Variants in RBFOX1 observed in about 807,000 individuals in gnomAD.
The protein encoded by RBFOX1 is RNA binding protein fox-1 homolog 1.
RBFOX1 carries 8 observed loss-of-function variants against 57.7 expected under a neutral mutation model. The ratio of observed to expected loss-of-function variants is 0.14; its 90% confidence interval spans 0.08 to 0.25. The LOEUF (loss-of-function observed/expected upper bound fraction) is 0.25, where lower values mean the gene tolerates loss of function less well. Ranked by LOEUF, RBFOX1 falls within the 10% of genes least tolerant of loss-of-function variation. The pLI is 1.00. For missense variants in RBFOX1, 611 were observed against 548.5 expected (o/e 1.11, Z -1.14); for synonymous variants, 326 against 222.4 (o/e 1.47, Z -4.15).
rs367643777 is a variant in RBFOX1, at chr16:6,150,618, CT to C, written c.-127+130627del. ...TCCCCCTTTATTTTCTCTGCATATTCTGTTTATTTCACCCACAGCATGACAC... is the reference window on the plus strand; with the variant it reads ...TCCCCCTTTATTTTCTCTGCATATTCGTTTATTTCACCCACAGCATGACAC... On this transcript the variant is annotated intron_variant, in intron 1 of 15. Coordinates refer to ENST00000550418, the MANE Select transcript of RBFOX1 (RefSeq NM_018723.4). Among the ~76,000 whole-genome samples, 71 of 152,250 alleles carry C rather than the reference CT, an allele frequency of 4.7e-4. No individual in the cohort carries two copies. In the East Asian group the frequency reaches 0.011, roughly 24 times the overall value.
chr16:6,094,925 T>C (rs1031874060), intron 1 of RBFOX1, among the ~76,000 whole-genome samples: 1 of 152,138 alleles, frequency 6.6e-6, no homozygotes, highest in Non-Finnish European at 1.5e-5. Flanking sequence ...TAAGGGATGG[T>C]GGTGCATGCC....
chr16:6,774,654 A>T (rs568984901), intron 3 of RBFOX1, among the ~76,000 whole-genome samples: 1 of 152,308 alleles, frequency 6.6e-6, no homozygotes, highest in African/African-American at 2.4e-5. Flanking sequence ...TGTCAGGAAT[A>T]TATAGAGTAT....
chr16:5,489,347 A>G lies in RBFOX1; in HGVS notation c.258+22093A>G, dbSNP rs142495877. ...ATAAAGGGCAAAGAATTAGGCACAAACATCCTTAATGTCCAGGGCTCACCT... is the reference window on the plus strand; with the variant it reads ...ATAAAGGGCAAAGAATTAGGCACAAGCATCCTTAATGTCCAGGGCTCACCT... On this transcript the variant is annotated intron_variant, in intron 2 of 2. Coordinates refer to the RBFOX1 transcript ENST00000585867. Among the ~76,000 whole-genome samples, 600 of 152,318 alleles carry G rather than the reference A, an allele frequency of 3.9e-3. 2 individuals carry two copies. Among genetic ancestry groups the G allele is most frequent in the African/African-American group, 0.014 (566 of 41,568 alleles).
At chr16:6,604,339 T>G (rs1209792382) in intron 2 of RBFOX1, among the ~76,000 whole-genome samples, 3 of 152,178 alleles carry the variant, frequency 2.0e-5, no homozygotes, top group Admixed American at 6.5e-5. Flanking sequence ...ATTTTCTTAT[T>G]TTTTTAATTT....
intron 3 of RBFOX1, among the ~76,000 whole-genome samples, chr16:6,917,005 A>G (rs1054061812): frequency 1.3e-5 from 2 of 152,004 alleles, no homozygotes; most frequent in African/African-American, 4.8e-5. Flanking sequence ...GCATGCCATC[A>G]CATCAGGCTA....
At chr16:7,223,368 G>A (rs904317462) in intron 4 of RBFOX1, among the ~76,000 whole-genome samples, 3 of 152,360 alleles carry the variant, frequency 2.0e-5, no homozygotes, top group African/African-American at 7.2e-5. Flanking sequence ...GGGCTTCAGA[G>A]TTTGGTAAGT....
At chr16:6,483,872 A>G in intron 2 of RBFOX1, 1 of 1,188,750 alleles carries the variant, frequency 8.4e-7, no homozygotes, top group Non-Finnish European at 1.1e-6. Context: ...CAAACCGGAG[A>G]TGGAAGGATG....
chr16:6,880,626 G>A (rs1797747376), intron 3 of RBFOX1, among the ~76,000 whole-genome samples: 1 of 152,070 alleles, frequency 6.6e-6, no homozygotes, highest in South Asian at 2.1e-4. Flanking sequence ...GAGGCAGGGT[G>A]GGGAAAAAAT....
intron 1 of RBFOX1, among the ~76,000 whole-genome samples, chr16:6,179,978 A>G (rs931613996): frequency 3.3e-5 from 5 of 152,140 alleles, no homozygotes; most frequent in African/African-American, 1.2e-4. Flanking sequence ...ATCTGTTGAG[A>G]TGATCATATG....
chr16:5,856,952 T>G (rs564834547), intron 3 of RBFOX1, among the ~76,000 whole-genome samples: 1 of 152,270 alleles, frequency 6.6e-6, no homozygotes, highest in East Asian at 1.9e-4. Flanking sequence ...GTAACTTTTC[T>G]TTTGCATACA....
At chr16:7,578,272 C>G (rs2093485873) in intron 5 of RBFOX1, among the ~76,000 whole-genome samples, 1 of 152,192 alleles carries the variant, frequency 6.6e-6, no homozygotes, top group Non-Finnish European at 1.5e-5. Context: ...AAAATGACCA[C>G]TGTACTGCTT....
At chr16:7,664,814 G>T in intron 12 of RBFOX1, 115 bp from the exon 13 acceptor site, 6 of 1,582,412 alleles carry the variant, frequency 3.8e-6, no homozygotes, top group African/African-American at 2.7e-5. Flanking sequence ...AACGATCCTC[G>T]GTTCCTGTGT....
intron 2 of RBFOX1, among the ~76,000 whole-genome samples, chr16:6,431,897 C>CTTGCTTTCTTTCT (rs1567257976): frequency 2.5e-5 from 1 of 40,586 alleles, no homozygotes; most frequent in South Asian, 6.9e-4. Context: ...TGCTTGCTTG[C>CTTGCTTTCTTTCT]TTTCTTTCTT....
intron 3 of RBFOX1, among the ~76,000 whole-genome samples, chr16:6,941,313 TCCTTCCTTCCTTC>T (rs2078457315): frequency 3.3e-5 from 3 of 90,038 alleles, no homozygotes; most frequent in Non-Finnish European, 2.2e-5. Flanking sequence ...CTTCCTTCCT[TCCTTCCTTCCTTC>T]CTTCCTTCCT....
At chr16:7,677,629 T>G (rs891789427) in intron 14 of RBFOX1, among the ~76,000 whole-genome samples, 2 of 152,166 alleles carry the variant, frequency 1.3e-5, no homozygotes, top group Non-Finnish European at 2.9e-5. Context: ...GGAAAGTGTG[T>G]GTTTTCATAT....
At chr16:5,372,630 C>T (rs554682973) in intron 1 of RBFOX1, among the ~76,000 whole-genome samples, 7 of 152,120 alleles carry the variant, frequency 4.6e-5, no homozygotes, top group Admixed American at 1.3e-4. Flanking sequence ...TCTCTACTAT[C>T]GTGGCAGCTT....
chr16:5,634,326 A>G (rs1367893724), intron 3 of RBFOX1, among the ~76,000 whole-genome samples: 1 of 152,236 alleles, frequency 6.6e-6, no homozygotes, highest in Admixed American at 6.5e-5. Flanking sequence ...ACAGAGTGGA[A>G]AACAAGCAAA....
intron 3 of RBFOX1, among the ~76,000 whole-genome samples, chr16:5,785,782 C>T (rs1223667373): frequency 1.3e-5 from 2 of 152,268 alleles, no homozygotes; most frequent in South Asian, 2.1e-4. Context: ...ATGCCTTGGC[C>T]TCCCAAAGTG....
intron 3 of RBFOX1, among the ~76,000 whole-genome samples, chr16:5,835,705 C>A (rs1418273562): frequency 6.6e-6 from 1 of 152,244 alleles, no homozygotes; most frequent in Non-Finnish European, 1.5e-5. Flanking sequence ...CTGCCACCCC[C>A]ATAAAATGTG....
Sources: gnomAD v4.1 joint callset for allele counts (sites outside exome capture counted in the v4.1 genomes callset) on GRCh38, gnomAD v4.1.1 for gene constraint, MANE v1.5 for transcripts, NCBI Gene and HGNC (gene_info 2026-07-23, HGNC 2026-07-21) for gene names.